The following NLGN4Y variants were observed in gnomAD, a reference collection of about 807,000 sequenced individuals.
The protein encoded by NLGN4Y is neuroligin-4, Y-linked.
Under a neutral mutation model 8.4 loss-of-function variants are expected in NLGN4Y, and 4 were observed. That is an observed-to-expected ratio of 0.48 (90% CI 0.23 to 1.09). The LOEUF (loss-of-function observed/expected upper bound fraction) is 1.09. NLGN4Y is among the 50% of genes least tolerant of loss of function. The pLI, the probability that NLGN4Y is intolerant of heterozygous loss-of-function variation, is 0.19. For missense variants in NLGN4Y, 90 were observed against 192.3 expected (o/e 0.47, Z 3.15); for synonymous variants, 35 against 75.6 (o/e 0.46, Z 2.78).
intron 4 of NLGN4Y, among the ~76,000 whole-genome samples, chrY:14,756,319 C>G (rs886590757): frequency 3.0e-5 from 1 of 33,351 alleles, no homozygotes; most frequent in South Asian, 6.7e-4. Flanking sequence ...ATGTCTTTAT[C>G]CACTTCTTGA....
At chrY:14,702,346 T>C in intron 2 of NLGN4Y, among the ~76,000 whole-genome samples, 2 of 31,362 alleles carry the variant, frequency 6.4e-5, no homozygotes, top group African/African-American at 2.5e-4. Context: ...CAGTGTGTGA[T>C]GTTCCCCTTC....
At chrY:14,681,731 T>C (rs2080771089) in intron 2 of NLGN4Y, among the ~76,000 whole-genome samples, 1 of 33,588 alleles carries the variant, frequency 3.0e-5, no homozygotes, top group Non-Finnish European at 7.4e-5. Context: ...AAGCACTTTA[T>C]TGGAGTTGCT....
intron 4 of NLGN4Y, among the ~76,000 whole-genome samples, chrY:14,728,311 T>C (rs770349766): frequency 3.0e-5 from 1 of 33,699 alleles, no homozygotes; most frequent in South Asian, 6.6e-4. Flanking sequence ...AAAGTAAACA[T>C]GGAACTACCA....
intron 1 of NLGN4Y, among the ~76,000 whole-genome samples, chrY:14,530,769 C>G: frequency 2.9e-5 from 1 of 34,325 alleles, no homozygotes; most frequent in Non-Finnish European, 7.3e-5. Flanking sequence ...CCCATTGAAG[C>G]CTTACAGAAA....
chrY:14,688,843 A>G, intron 2 of NLGN4Y, among the ~76,000 whole-genome samples: 1 of 28,755 alleles, frequency 3.5e-5, no homozygotes, highest in Non-Finnish European at 8.1e-5. Context: ...ATATAATATT[A>G]TATCATATAT....
chrY:14,677,610 T>C (rs781648545), intron 2 of NLGN4Y, among the ~76,000 whole-genome samples: 2 of 33,790 alleles, frequency 5.9e-5, no homozygotes, highest in East Asian at 1.6e-3. Flanking sequence ...ATTCATTTGT[T>C]AAGGCCCAGT....
At chrY:14,823,579 A>G in intron 4 of NLGN4Y, among the ~76,000 whole-genome samples, 1 of 33,852 alleles carries the variant, frequency 3.0e-5, no homozygotes, top group Non-Finnish European at 7.3e-5. Flanking sequence ...AAAATTTACA[A>G]TGACTTCTGG....
At chrY:14,797,574 G>T (rs1603504156) in intron 4 of NLGN4Y, among the ~76,000 whole-genome samples, 1 of 33,523 alleles carries the variant, frequency 3.0e-5, no homozygotes, top group Admixed American at 2.7e-4. Context: ...GGGATTGCAG[G>T]CCTGAGCCAC....
At chrY:14,773,364 G>T in intron 4 of NLGN4Y, among the ~76,000 whole-genome samples, 1 of 32,788 alleles carries the variant, frequency 3.0e-5, no homozygotes, top group African/African-American at 1.2e-4. Context: ...AACTTAAAAG[G>T]GATGTGAAGG....
upstream of NLGN4Y, chrY:14,523,498 T>C (rs1216386937): frequency 5.1e-5 from 6 of 117,704 alleles, no homozygotes; most frequent in African/African-American, 1.0e-4. Flanking sequence ...CACACACACA[T>C]ACATGCAGTA....
intron 2 of NLGN4Y, among the ~76,000 whole-genome samples, chrY:14,674,914 A>C: frequency 3.0e-5 from 1 of 33,745 alleles, no homozygotes; most frequent in African/African-American, 1.1e-4. Flanking sequence ...CCCAAATACC[A>C]ATACATACCA....
chrY:14,616,731 T>G (rs764996586), intron 1 of NLGN4Y, among the ~76,000 whole-genome samples: 1 of 33,804 alleles, frequency 3.0e-5, no homozygotes, highest in Non-Finnish European at 7.3e-5. Flanking sequence ...AGTTGTTCAA[T>G]TCCCAAATAG....
intron 4 of NLGN4Y, among the ~76,000 whole-genome samples, chrY:14,770,293 A>C: frequency 3.0e-5 from 1 of 33,025 alleles, no homozygotes; most frequent in Non-Finnish European, 7.5e-5. Context: ...AACACCTCAC[A>C]CAGGAGAGAT....
At chrY:14,636,168 T>C in intron 2 of NLGN4Y, among the ~76,000 whole-genome samples, 4 of 33,934 alleles carry the variant, frequency 1.2e-4, no homozygotes, top group Admixed American at 2.7e-4. Context: ...ATTTTTTACA[T>C]TGTTACACTG....
chrY:14,568,005 G>T (rs2080258452), intron 1 of NLGN4Y, among the ~76,000 whole-genome samples: 1 of 31,487 alleles, frequency 3.2e-5, no homozygotes. Context: ...AAGTTTTAGG[G>T]TACATGTGCA....
intron 2 of NLGN4Y, among the ~76,000 whole-genome samples, chrY:14,692,699 G>A: frequency 3.0e-5 from 1 of 33,801 alleles, no homozygotes; most frequent in South Asian, 6.4e-4. Flanking sequence ...GCCACCTTGT[G>A]GTATCAAATT....
At chrY:14,619,091 A>G (rs746460126) in intron 1 of NLGN4Y, among the ~76,000 whole-genome samples, 2 of 33,262 alleles carry the variant, frequency 6.0e-5, no homozygotes, top group Admixed American at 5.5e-4. Flanking sequence ...CTTGTGGGTT[A>G]TAGATTTAGA....
intron 2 of NLGN4Y, among the ~76,000 whole-genome samples, chrY:14,709,231 C>T (rs2080891974): frequency 9.0e-5 from 3 of 33,277 alleles, no homozygotes; most frequent in East Asian, 1.6e-3. Flanking sequence ...ATCATGAAAA[C>T]GTTCTGCCAT....
intron 4 of NLGN4Y, among the ~76,000 whole-genome samples, chrY:14,759,286 T>G (rs2081072610): frequency 6.4e-5 from 2 of 31,353 alleles, no homozygotes; most frequent in Admixed American, 2.9e-4. Flanking sequence ...AAAGATACTG[T>G]TTTTTTTTGT....
Sources: gnomAD v4.1 joint callset for allele counts (sites outside exome capture counted in the v4.1 genomes callset) on GRCh38, gnomAD v4.1.1 for gene constraint, MANE v1.5 for transcripts, NCBI Gene and HGNC (gene_info 2026-07-23, HGNC 2026-07-21) for gene names.